Variants in ATP8A2 observed in about 807,000 individuals in gnomAD.
ATP8A2 encodes the protein ATPase phospholipid transporting 8A2, also known as phospholipid-transporting ATPase IB.
Under a neutral mutation model 165.6 loss-of-function variants are expected in ATP8A2, and 100 were observed. That is an observed-to-expected ratio of 0.60 (90% confidence interval 0.51 to 0.71). ATP8A2 has a LOEUF of 0.71. Ranked by LOEUF, ATP8A2 falls within the 30% of genes least tolerant of loss-of-function variation. The pLI is 0.00. For missense variants in ATP8A2, 1,227 were observed against 1,479.5 expected, an observed-to-expected ratio of 0.83 and a Z score of 2.80; for synonymous variants, 543 against 548.8, an observed-to-expected ratio of 0.99 and a Z score of 0.15.
intron 1 of ATP8A2, among the ~76,000 whole-genome samples, chr13:25,451,913 G>A (rs2035236426): frequency 1.3e-5 from 2 of 150,974 alleles, no homozygotes; most frequent in Admixed American, 6.6e-5. Flanking sequence ...GGAGTGCAGT[G>A]GCGTGATCTC....
chr13:25,510,163 CGTCT>C (rs1480324177), intron 2 of ATP8A2, among the ~76,000 whole-genome samples: 4 of 143,686 alleles, frequency 2.8e-5, no homozygotes, highest in Admixed American at 1.5e-4. Flanking sequence ...TGTCTGTTCC[CGTCT>C]GTCTGTAACA....
At chr13:25,678,059 A>G (rs1056164078) in intron 24 of ATP8A2, among the ~76,000 whole-genome samples, 3 of 152,220 alleles carry the variant, frequency 2.0e-5, no homozygotes, top group African/African-American at 4.8e-5. Context: ...AACATGACTC[A>G]TGATAGCTCA....
At chr13:25,801,943 C>T (rs926956911) in intron 27 of ATP8A2, among the ~76,000 whole-genome samples, 7 of 152,184 alleles carry the variant, frequency 4.6e-5, no homozygotes, top group East Asian at 3.9e-4. Flanking sequence ...CATCAGATCT[C>T]GGGAGAACTC....
chr13:25,512,727 C>CG (rs1462963764), intron 2 of ATP8A2, among the ~76,000 whole-genome samples: 1 of 131,180 alleles, frequency 7.6e-6, no homozygotes, highest in Non-Finnish European at 1.6e-5. Context: ...GCTGGCCGGG[C>CG]GGGGGGCTGA....
intron 1 of ATP8A2, among the ~76,000 whole-genome samples, chr13:25,394,405 A>G (rs2033349709): frequency 6.6e-6 from 1 of 152,248 alleles, no homozygotes; most frequent in Non-Finnish European, 1.5e-5. Context: ...TTACTTAACA[A>G]TAGAAAACAA....
intron 2 of ATP8A2, among the ~76,000 whole-genome samples, chr13:25,529,580 T>TG (rs2037964145): frequency 6.6e-6 from 1 of 152,076 alleles, no homozygotes; most frequent in Non-Finnish European, 1.5e-5. Context: ...TGAGCAAACA[T>TG]GATCAAATAA....
At chr13:25,531,742 G>A (rs924440633) in intron 4 of ATP8A2, among the ~76,000 whole-genome samples, 1 of 152,020 alleles carries the variant, frequency 6.6e-6, no homozygotes, top group Non-Finnish European at 1.5e-5. Context: ...TATAAACACT[G>A]TATGAAGTTA....
chr13:25,937,574 G>T (rs1195752259), intron 33 of ATP8A2, among the ~76,000 whole-genome samples: 1 of 151,014 alleles, frequency 6.6e-6, no homozygotes, highest in East Asian at 1.9e-4. Flanking sequence ...AGACAGGCGG[G>T]AGCGGTGGCT....
intron 24 of ATP8A2, among the ~76,000 whole-genome samples, chr13:25,645,861 A>G (rs891712221): frequency 2.6e-5 from 4 of 152,098 alleles, no homozygotes; most frequent in African/African-American, 9.7e-5. Flanking sequence ...TGAATGCTTC[A>G]TATGTGCTTG....
At chr13:25,532,380 G>C (rs1043646631) in intron 5 of ATP8A2, 63 bp downstream of exon 5, 1 of 1,189,762 alleles carries the variant, frequency 8.4e-7, no homozygotes, top group African/African-American at 1.5e-5. Context: ...CTGCATTTAA[G>C]GAATTTTAAA....
intron 20 of ATP8A2, among the ~76,000 whole-genome samples, chr13:25,577,720 G>C (rs937745493): frequency 6.6e-6 from 1 of 152,160 alleles, no homozygotes; most frequent in African/African-American, 2.4e-5. Flanking sequence ...TTGCTTATGA[G>C]TCTTACTTAT....
chr13:26,004,370 C>G (rs986190219), intron 35 of ATP8A2, among the ~76,000 whole-genome samples: 1 of 152,056 alleles, frequency 6.6e-6, no homozygotes, highest in Non-Finnish European at 1.5e-5. Context: ...TTGTATCCTG[C>G]AACCTTACTA....
At chr13:25,387,598 G>A (rs569717424) in intron 1 of ATP8A2, among the ~76,000 whole-genome samples, 1 of 152,102 alleles carries the variant, frequency 6.6e-6, no homozygotes, top group Non-Finnish European at 1.5e-5. Context: ...CGAGGCGCAC[G>A]TAGAGAAATA....
At chr13:25,402,119 T>C (rs2033657057) in intron 1 of ATP8A2, among the ~76,000 whole-genome samples, 1 of 152,100 alleles carries the variant, frequency 6.6e-6, no homozygotes, top group Non-Finnish European at 1.5e-5. Context: ...CTAAATGGGC[T>C]GGCTGGGAGC....
rs2043266153 is a variant in ATP8A2, at chr13:25,716,846, G to A, written c.2384+17501G>A. On this transcript the variant is annotated intron_variant, in intron 25 of 36. Transcript: ENST00000381655. ...ACCTAACAGGAAAGAGGAAAAAGAA[G>A]CAAATGCAGTGATGACAAGTTGTGA... Among the ~76,000 whole-genome samples, 3 of 152,178 alleles carry A rather than the reference G, an allele frequency of 2.0e-5. No homozygotes were observed. The South Asian group carries it at 6.2e-4, about 32-fold the overall frequency.
intron 25 of ATP8A2, among the ~76,000 whole-genome samples, chr13:25,724,225 A>T (rs1459527865): frequency 6.6e-6 from 1 of 152,324 alleles, no homozygotes; most frequent in East Asian, 1.9e-4. Context: ...TTCATGTGGC[A>T]TCTGGGAGGG....
At chr13:25,774,774 C>T in intron 26 of ATP8A2, 75 bp from the exon 27 acceptor site, 1 of 845,450 alleles carries the variant, frequency 1.2e-6, no homozygotes. Flanking sequence ...GACTTCTGTT[C>T]ATAAGGACAT....
chr13:25,794,708 G>T (rs544068458), intron 27 of ATP8A2, among the ~76,000 whole-genome samples: 276 of 152,156 alleles, frequency 1.8e-3, no homozygotes, highest in Non-Finnish European at 3.4e-3. Flanking sequence ...ATAAGAAACA[G>T]ATATATATAT....
At chr13:25,819,092 C>T (rs1288260738) in intron 27 of ATP8A2, among the ~76,000 whole-genome samples, 1 of 152,172 alleles carries the variant, frequency 6.6e-6, no homozygotes, top group Non-Finnish European at 1.5e-5. Context: ...GCCAACCATT[C>T]ATACTTTTCT....
Sources: allele counts gnomAD v4.1 joint callset (sites outside exome capture counted in the v4.1 genomes callset), GRCh38; gene constraint gnomAD v4.1.1; transcripts MANE v1.5; gene names NCBI Gene and HGNC (gene_info 2026-07-23, HGNC 2026-07-21).